Variants in ZNF423 observed in about 807,000 individuals in gnomAD.
The protein encoded by ZNF423 is zinc finger protein 423, also known as Ebf-associated zinc finger protein.
ZNF423 carries 12 observed loss-of-function variants against 95.8 expected under a neutral mutation model. That is an observed-to-expected ratio of 0.13 (90% confidence interval 0.08 to 0.20). The LOEUF (loss-of-function observed/expected upper bound fraction) is 0.20. Among genes scored for constraint, ZNF423 ranks in the 10% least tolerant of loss-of-function variants. The pLI is 1.00. For missense variants in ZNF423, 1,316 were observed against 1,737.1 expected, an observed-to-expected ratio of 0.76 and a Z score of 4.31; for synonymous variants, 749 against 711.9, an observed-to-expected ratio of 1.05 and a Z score of -0.83.
intron 2 of ZNF423, among the ~76,000 whole-genome samples, chr16:49,736,838 G>A (rs759536189): frequency 6.6e-6 from 1 of 152,172 alleles, no homozygotes; most frequent in African/African-American, 2.4e-5. Flanking sequence ...CTGAGCTACT[G>A]CCCTTAAGAA....
At chr16:49,652,116 G>A (rs569667278) in intron 3 of ZNF423, among the ~76,000 whole-genome samples, 1 of 152,128 alleles carries the variant, frequency 6.6e-6, no homozygotes, top group African/African-American at 2.4e-5. Context: ...CTCAGCTCAT[G>A]GTGGAGGGGG....
At chr16:49,583,386 A>G (rs1000976047) in intron 5 of ZNF423, among the ~76,000 whole-genome samples, 1 of 152,240 alleles carries the variant, frequency 6.6e-6, no homozygotes, top group African/African-American at 2.4e-5. Flanking sequence ...TAATCACACC[A>G]TAAGTGGGGA....
At chr16:49,642,805 T>C (rs6500236) in intron 3 of ZNF423, among the ~76,000 whole-genome samples, 4,120 of 77,276 alleles carry the variant, frequency 0.053, 229 homozygotes, top group African/African-American at 0.28. Context: ...TCTTTTCTTT[T>C]TTTTTTTTTT....
chr16:49,805,905 T>C (rs2034655408), intron 1 of ZNF423, among the ~76,000 whole-genome samples: 1 of 152,242 alleles, frequency 6.6e-6, no homozygotes, highest in African/African-American at 2.4e-5. Flanking sequence ...CCCCAGCCAG[T>C]CCATCCAGGG....
chr16:49,854,427 C>A (rs2035334987), intron 1 of ZNF423: 1 of 985,438 alleles, frequency 1.0e-6, no homozygotes, highest in Non-Finnish European at 1.2e-6. Flanking sequence ...AGGCGCAAGG[C>A]TGGCAGGAAG....
intron 1 of ZNF423, among the ~76,000 whole-genome samples, chr16:49,809,266 A>G (rs1009499254): frequency 6.6e-6 from 1 of 152,236 alleles, no homozygotes; most frequent in Non-Finnish European, 1.5e-5. Flanking sequence ...AAGCTCTCCC[A>G]CACCATCAGA....
intron 3 of ZNF423, among the ~76,000 whole-genome samples, chr16:49,718,041 G>T (rs948791940): frequency 6.6e-6 from 1 of 152,150 alleles, no homozygotes; most frequent in African/African-American, 2.4e-5. Flanking sequence ...CTACACAAGG[G>T]CAGGAACTGT....
intron 3 of ZNF423, among the ~76,000 whole-genome samples, chr16:49,645,671 G>A (rs1010166724): frequency 2.6e-5 from 4 of 152,178 alleles, no homozygotes; most frequent in African/African-American, 9.7e-5. Context: ...GTATGATATG[G>A]TTTGGCTGTG....
intron 1 of ZNF423, among the ~76,000 whole-genome samples, chr16:49,831,696 A>G (rs2035062670): frequency 6.6e-6 from 1 of 152,158 alleles, no homozygotes; most frequent in African/African-American, 2.4e-5. Context: ...ACAGTGAAGA[A>G]ATTATTGATA....
chr16:49,496,880 G>A (rs74016192), intron 7 of ZNF423, among the ~76,000 whole-genome samples: 2,727 of 152,286 alleles, frequency 0.018, 90 homozygotes, highest in African/African-American at 0.062. Context: ...AGGCACGATT[G>A]GGGCTTACAG....
chr16:49,533,127 G>A (rs528327364), intron 5 of ZNF423, among the ~76,000 whole-genome samples: 5 of 152,242 alleles, frequency 3.3e-5, no homozygotes, highest in Admixed American at 1.3e-4. Flanking sequence ...CTGCCCTCTC[G>A]CTTGCTATGC....
At chr16:49,633,520 A>G (rs1031960609) in intron 4 of ZNF423, among the ~76,000 whole-genome samples, 1 of 151,926 alleles carries the variant, frequency 6.6e-6, no homozygotes, top group African/African-American at 2.4e-5. Context: ...TTCCATTACT[A>G]TCACTATTCA....
At chr16:49,709,804 G>A (rs2032487153) in intron 3 of ZNF423, among the ~76,000 whole-genome samples, 1 of 152,142 alleles carries the variant, frequency 6.6e-6, no homozygotes, top group Non-Finnish European at 1.5e-5. Flanking sequence ...TATGAGGAGT[G>A]GGCCCTTACC....
At chr16:49,666,020 T>C (rs145816228) in intron 3 of ZNF423, among the ~76,000 whole-genome samples, 16 of 152,296 alleles carry the variant, frequency 1.1e-4, no homozygotes, top group African/African-American at 3.8e-4. Flanking sequence ...ACAGCAGAAC[T>C]GCGCAGGCCA....
At position 49,531,344 on chromosome 16, in the gene ZNF423, G is replaced by A. The variant is rs549272644; in HGVS notation, c.3602-5850C>T. 6.8e-4 allele frequency among the ~76,000 whole-genome samples: 103 copies of A among 151,810 alleles called. 1 individual carries two copies. The highest frequency in any genetic ancestry group is 6.2e-4 in the Non-Finnish European group (42 of 67,948). On this transcript the variant is annotated intron_variant, in intron 5 of 7. Coordinates refer to ENST00000563137, the MANE Select transcript of ZNF423 (RefSeq NM_001379286.1). ...TCAGACACACACACTGTAAATGGGCGCGGTAAATGGTCCTTGGAGAGAGGA... is the reference window on the plus strand; with the variant it reads ...TCAGACACACACACTGTAAATGGGCACGGTAAATGGTCCTTGGAGAGAGGA...
At chr16:49,793,050 G>A (rs2034441110) in intron 1 of ZNF423, among the ~76,000 whole-genome samples, 1 of 152,150 alleles carries the variant, frequency 6.6e-6, no homozygotes, top group South Asian at 2.1e-4. Flanking sequence ...TTACAGGCAT[G>A]AGCCACCACG....
At chr16:49,647,025 A>T (rs1204571011) in intron 3 of ZNF423, among the ~76,000 whole-genome samples, 2 of 152,234 alleles carry the variant, frequency 1.3e-5, no homozygotes, top group Non-Finnish European at 2.9e-5. Flanking sequence ...GCGCACAGAC[A>T]TTGCAAGTGG....
chr16:49,833,815 A>AG (rs1020765301), intron 1 of ZNF423, among the ~76,000 whole-genome samples: 14 of 82,922 alleles, frequency 1.7e-4, no homozygotes, highest in African/African-American at 6.0e-4. Flanking sequence ...GAGCATGTGC[A>AG]GGGGGGCAGC....
At chr16:49,834,349 C>T (rs2035093886) in intron 1 of ZNF423, among the ~76,000 whole-genome samples, 1 of 152,182 alleles carries the variant, frequency 6.6e-6, no homozygotes, top group South Asian at 2.1e-4. Flanking sequence ...GGAACACAGG[C>T]GTGTTTGATG....
Sources: gnomAD v4.1 joint callset for allele counts (sites outside exome capture counted in the v4.1 genomes callset) on GRCh38, gnomAD v4.1.1 for gene constraint, MANE v1.5 for transcripts, NCBI Gene and HGNC (gene_info 2026-07-23, HGNC 2026-07-21) for gene names.